Variants in LDB2 observed in about 807,000 individuals in gnomAD.
The protein encoded by LDB2 is LIM domain binding 2, also known as LIM domain-binding protein 2.
LDB2 carries 12 observed loss-of-function variants against 44.3 expected under a neutral mutation model. That is an observed-to-expected ratio of 0.27 (90% CI 0.17 to 0.44). LDB2 has a LOEUF of 0.44. LDB2 is among the 20% of genes least tolerant of loss of function. LDB2 has a pLI of 1.00. For missense variants in LDB2, 344 were observed against 473.5 expected (o/e 0.73, Z 2.54); for synonymous variants, 164 against 174.8 (o/e 0.94, Z 0.49).
At chr4:16,542,860 G>T (rs1734329124) in intron 5 of LDB2, among the ~76,000 whole-genome samples, 1 of 151,558 alleles carries the variant, frequency 6.6e-6, no homozygotes, top group South Asian at 2.1e-4. Flanking sequence ...GTGCCATGTT[G>T]GTGTGCTGCA....
chr4:16,843,701 A>C (rs1377111613), intron 1 of LDB2, among the ~76,000 whole-genome samples: 1 of 152,050 alleles, frequency 6.6e-6, no homozygotes, highest in African/African-American at 2.4e-5. Context: ...GGCTCACTGC[A>C]ACCTCCACCT....
chr4:16,506,183 G>T (rs1166625540), intron 7 of LDB2: 8 of 504,114 alleles, frequency 1.6e-5, no homozygotes, highest in Non-Finnish European at 2.8e-5. Context: ...AGGGTTAAAA[G>T]ATATGGTCAC....
At position 16,847,338 on chromosome 4, in the gene LDB2, G is replaced by A. The variant is rs73129803; in HGVS notation, c.132+51016C>T. Among the ~76,000 whole-genome samples the A allele has an allele frequency of 2.4e-3, 360 of 152,172 alleles. 1 individual carries two copies. The highest frequency in any genetic ancestry group is 8.0e-3 in the African/African-American group (331 of 41,526). On this transcript the variant is annotated intron_variant, in intron 1 of 7. Coordinates refer to ENST00000304523, the MANE Select transcript of LDB2 (RefSeq NM_001290.5). ...TCACTTATATCCATACTAATGGAAA[G>A]GTCAATTACTCAATACTGTTGGAAA...
At chr4:16,824,671 C>T (rs1782727446) in intron 1 of LDB2, among the ~76,000 whole-genome samples, 1 of 152,200 alleles carries the variant, frequency 6.6e-6, no homozygotes, top group African/African-American at 2.4e-5. Context: ...CTGTTAAACT[C>T]CCTGGTTCTA....
chr4:16,661,312 T>A (rs559504670), intron 2 of LDB2, among the ~76,000 whole-genome samples: 1 of 152,328 alleles, frequency 6.6e-6, no homozygotes, highest in African/African-American at 2.4e-5. Context: ...GTACTATTAC[T>A]TTGGCCCATG....
intron 5 of LDB2, among the ~76,000 whole-genome samples, chr4:16,559,288 A>C (rs1165836683): frequency 1.3e-5 from 2 of 152,250 alleles, no homozygotes; most frequent in African/African-American, 4.8e-5. Flanking sequence ...TAAAGAGTCA[A>C]GATCCATCAG....
At chr4:16,654,246 T>C (rs1739117444) in intron 2 of LDB2, among the ~76,000 whole-genome samples, 1 of 152,092 alleles carries the variant, frequency 6.6e-6, no homozygotes, top group Non-Finnish European at 1.5e-5. Context: ...TTTGTGAAAA[T>C]AAGGAGATTG....
intron 2 of LDB2, among the ~76,000 whole-genome samples, chr4:16,721,788 G>A (rs1289602144): frequency 2.0e-5 from 3 of 152,126 alleles, no homozygotes; most frequent in Admixed American, 6.6e-5. Flanking sequence ...TTGGGCACAG[G>A]CCAGTTAGTC....
intron 2 of LDB2, among the ~76,000 whole-genome samples, chr4:16,680,856 T>C (rs998935212): frequency 3.9e-5 from 6 of 152,176 alleles, no homozygotes; most frequent in Non-Finnish European, 2.9e-5. Context: ...TCAGAATTAA[T>C]TGTCTGTGAT....
intron 5 of LDB2, among the ~76,000 whole-genome samples, chr4:16,539,607 C>T (rs184867725): frequency 1.3e-5 from 2 of 152,254 alleles, no homozygotes; most frequent in Admixed American, 1.3e-4. Flanking sequence ...GCAAGGCACA[C>T]AAAAATAGTT....
intron 1 of LDB2, among the ~76,000 whole-genome samples, chr4:16,780,271 G>A (rs569930028): frequency 3.9e-5 from 6 of 152,176 alleles, no homozygotes; most frequent in African/African-American, 7.2e-5. Flanking sequence ...CGCCCAGGCT[G>A]GAATGCAGTG....
chr4:16,759,287 A>T, intron 1 of LDB2, 27 bp from the exon 2 acceptor site: 7 of 1,486,894 alleles, frequency 4.7e-6, no homozygotes, highest in Non-Finnish European at 6.6e-6. Context: ...CATTTATTTA[A>T]CAAGGGAAAG....
At chr4:16,671,987 G>A (rs1394048681) in intron 2 of LDB2, among the ~76,000 whole-genome samples, 1 of 152,214 alleles carries the variant, frequency 6.6e-6, no homozygotes, top group African/African-American at 2.4e-5. Flanking sequence ...AATTTCCAGA[G>A]CTGCCTCCTG....
At chr4:16,781,433 G>A (rs1773205385) in intron 1 of LDB2, among the ~76,000 whole-genome samples, 1 of 152,150 alleles carries the variant, frequency 6.6e-6, no homozygotes, top group Non-Finnish European at 1.5e-5. Flanking sequence ...ATGAGTACGA[G>A]CCCTCAGCTG....
At chr4:16,715,599 G>A (rs1257691492) in intron 2 of LDB2, among the ~76,000 whole-genome samples, 2 of 152,100 alleles carry the variant, frequency 1.3e-5, no homozygotes, top group Non-Finnish European at 2.9e-5. Flanking sequence ...TTTTTCCTCT[G>A]TTAATAAAAC....
At chr4:16,788,851 C>T (rs1775079100) in intron 1 of LDB2, among the ~76,000 whole-genome samples, 3 of 152,188 alleles carry the variant, frequency 2.0e-5, no homozygotes, top group South Asian at 4.1e-4. Context: ...AAGGGTACTA[C>T]TGTGCAATTA....
At chr4:16,864,994 C>T (rs559475086) in intron 1 of LDB2, among the ~76,000 whole-genome samples, 2 of 151,336 alleles carry the variant, frequency 1.3e-5, no homozygotes, top group Admixed American at 1.3e-4. Context: ...ACCTATAATC[C>T]CAGCACTTCG....
At chr4:16,715,879 C>T (rs760297630) in intron 2 of LDB2, among the ~76,000 whole-genome samples, 6 of 152,142 alleles carry the variant, frequency 3.9e-5, no homozygotes, top group East Asian at 1.9e-4. Context: ...ATAATCTCTT[C>T]GAGGCAGACT....
chr4:16,880,409 C>T (rs546929683), intron 1 of LDB2, among the ~76,000 whole-genome samples: 1 of 152,142 alleles, frequency 6.6e-6, no homozygotes, highest in East Asian at 1.9e-4. Context: ...GACCAGGAAG[C>T]TTTTCATTTT....
Sources: gnomAD v4.1 joint callset for allele counts (sites outside exome capture counted in the v4.1 genomes callset) on GRCh38, gnomAD v4.1.1 for gene constraint, MANE v1.5 for transcripts, NCBI Gene and HGNC (gene_info 2026-07-23, HGNC 2026-07-21) for gene names.